The following DYNC1I1 variants were observed in gnomAD, a reference collection of about 807,000 sequenced individuals.
DYNC1I1 encodes dynein cytoplasmic 1 intermediate chain 1.
DYNC1I1 carries 43 observed loss-of-function variants against 86.6 expected under a neutral mutation model. That is an observed-to-expected ratio of 0.50 (90% CI 0.39 to 0.64). DYNC1I1 has a LOEUF of 0.64. Ranked by LOEUF, DYNC1I1 falls within the 30% of genes least tolerant of loss-of-function variation. The pLI is 0.00. For missense variants in DYNC1I1, 604 were observed against 788.8 expected (o/e 0.77, Z 2.81); for synonymous variants, 262 against 283.7 (o/e 0.92, Z 0.77).
intron 6 of DYNC1I1, among the ~76,000 whole-genome samples, chr7:95,973,789 A>C (rs1453740658): frequency 6.6e-6 from 1 of 152,232 alleles, no homozygotes; most frequent in African/African-American, 2.4e-5. Context: ...TAGCTGTGAA[A>C]GATGAGAACT....
chr7:95,841,904 A>G (rs1026686964), intron 5 of DYNC1I1, among the ~76,000 whole-genome samples: 1 of 152,214 alleles, frequency 6.6e-6, no homozygotes, highest in African/African-American at 2.4e-5. Context: ...AGCATGGGAA[A>G]TGCTTGAGTG....
At chr7:95,848,420 A>C (rs1358555871) in intron 5 of DYNC1I1, among the ~76,000 whole-genome samples, 1 of 151,822 alleles carries the variant, frequency 6.6e-6, no homozygotes, top group Non-Finnish European at 1.5e-5. Flanking sequence ...TGATAACCTT[A>C]CCTTCCTACT....
chr7:95,987,887 C>G (rs1182815782), intron 9 of DYNC1I1, among the ~76,000 whole-genome samples: 1 of 152,186 alleles, frequency 6.6e-6, no homozygotes, highest in African/African-American at 2.4e-5. Context: ...AAGCCTAAAG[C>G]AGAACTTTCA....
intron 6 of DYNC1I1, among the ~76,000 whole-genome samples, chr7:95,968,313 A>G (rs1793070627): frequency 6.6e-6 from 1 of 152,154 alleles, no homozygotes; most frequent in Admixed American, 6.5e-5. Context: ...ACATGTACTA[A>G]TATTAGTGGG....
At chr7:95,801,680 T>C (rs1300822756) in intron 1 of DYNC1I1, among the ~76,000 whole-genome samples, 2 of 152,244 alleles carry the variant, frequency 1.3e-5, no homozygotes, top group Non-Finnish European at 2.9e-5. Flanking sequence ...ATTTCATTTT[T>C]GACTGTCAAA....
Position 96,097,974 on chromosome 7 carries a change from T to G in DYNC1I1, c.*381T>G. The G allele has an allele frequency of 2.0e-6, 2 of 1,005,986 alleles. No individual in the cohort carries two copies. Among genetic ancestry groups the G allele is most frequent in the Non-Finnish European group, 2.4e-6 (2 of 841,782 alleles). The allele number at this position is 1,005,986 out of a possible 1,614,324, so 62.3% of individuals were successfully genotyped here. Reference sequence around the variant, plus strand: ...GAAGCCAGATATGATTGGGTGCAGATGTGGTGTTCCTCATATTATGGTACA... The same window carrying G: ...GAAGCCAGATATGATTGGGTGCAGAGGTGGTGTTCCTCATATTATGGTACA... On this transcript the variant is annotated 3_prime_UTR_variant, in exon 17 of 17. Transcript: ENST00000447467.
intron 16 of DYNC1I1, among the ~76,000 whole-genome samples, chr7:96,081,922 A>G (rs920186619): frequency 6.6e-6 from 1 of 152,174 alleles, no homozygotes; most frequent in African/African-American, 2.4e-5. Context: ...AGTAAAAAAA[A>G]AAAATCTCTT....
rs1200744202 is a variant in DYNC1I1 at position 96,028,298 on chromosome 7, C to G, written c.1093C>G (p.Pro365Ala). The G allele has an allele frequency of 1.2e-6, 2 of 1,612,714 alleles. No individual in the cohort carries two copies. The highest frequency in any genetic ancestry group is 2.2e-5 in the East Asian group (1 of 44,848). Reference protein sequence around the residue: ...SHRRTPVQRTPLSAAAHTHPV... With the variant: ...SHRRTPVQRTALSAAAHTHPV... ...TCGAAGGACTCCAGTGCAGCGGACA[C>G]CCTTATCAGCTGCTGCACACACGGT... Residue 365 changes from proline (P) to alanine (A), a missense_variant, in exon 11 of 17, where the codon CCC becomes GCC. Pro to Ala is a conservative substitution (Grantham distance 27). Coordinates refer to ENST00000447467, the MANE Select transcript of DYNC1I1 (RefSeq NM_001135556.2).
intron 8 of DYNC1I1, among the ~76,000 whole-genome samples, chr7:95,986,116 T>A (rs1793586986): frequency 6.7e-6 from 1 of 149,492 alleles, no homozygotes; most frequent in Non-Finnish European, 1.5e-5. Context: ...GAAAAAAAAA[T>A]GTCATATTAG....
intron 5 of DYNC1I1, among the ~76,000 whole-genome samples, chr7:95,830,565 G>T (rs544760643): frequency 1.3e-5 from 2 of 152,134 alleles, no homozygotes; most frequent in East Asian, 3.9e-4. Flanking sequence ...TTATTTCATT[G>T]TATGGATATA....
intron 1 of DYNC1I1, among the ~76,000 whole-genome samples, chr7:95,792,295 C>A (rs1365335407): frequency 6.6e-6 from 1 of 152,062 alleles, no homozygotes; most frequent in Non-Finnish European, 1.5e-5. Context: ...AGACATGGTA[C>A]CCCAAAATAA....
chr7:95,916,157 G>C (rs1207702190), intron 6 of DYNC1I1, among the ~76,000 whole-genome samples: 2 of 152,134 alleles, frequency 1.3e-5, no homozygotes, highest in Non-Finnish European at 2.9e-5. Flanking sequence ...TTATTTAAAA[G>C]AAACTAGCCA....
intron 5 of DYNC1I1, among the ~76,000 whole-genome samples, chr7:95,843,398 C>T (rs1214310107): frequency 6.6e-6 from 1 of 152,152 alleles, no homozygotes; most frequent in African/African-American, 2.4e-5. Flanking sequence ...ACCTGAGTTT[C>T]CTCCCTACAC....
At chr7:95,870,441 T>G (rs1184873656) in intron 6 of DYNC1I1, among the ~76,000 whole-genome samples, 1 of 152,264 alleles carries the variant, frequency 6.6e-6, no homozygotes, top group East Asian at 1.9e-4. Context: ...ATCCAACCAT[T>G]GACTTCTGTG....
chr7:95,837,865 G>C (rs1186556209), intron 5 of DYNC1I1, among the ~76,000 whole-genome samples: 2 of 152,230 alleles, frequency 1.3e-5, no homozygotes, highest in South Asian at 2.1e-4. Context: ...TGCGTCCACT[G>C]TCTGGCACTC....
At chr7:95,884,266 A>G (rs1035902296) in intron 6 of DYNC1I1, among the ~76,000 whole-genome samples, 5 of 152,186 alleles carry the variant, frequency 3.3e-5, no homozygotes, top group Non-Finnish European at 5.9e-5. Context: ...CTCCAGGTAA[A>G]CATGCAGCAC....
At chr7:96,013,394 G>A (rs141177560) in intron 10 of DYNC1I1, among the ~76,000 whole-genome samples, 1 of 152,282 alleles carries the variant, frequency 6.6e-6, no homozygotes, top group Non-Finnish European at 1.5e-5. Flanking sequence ...AACCTCCAGA[G>A]CTGTAAGATA....
chr7:95,922,940 T>C (rs1791649245), intron 6 of DYNC1I1, among the ~76,000 whole-genome samples: 2 of 152,078 alleles, frequency 1.3e-5, no homozygotes, highest in South Asian at 4.1e-4. Context: ...TCATCAAACT[T>C]CTCTCCTGAC....
intron 5 of DYNC1I1, among the ~76,000 whole-genome samples, chr7:95,865,410 T>C (rs990335654): frequency 6.6e-6 from 1 of 152,208 alleles, no homozygotes; most frequent in Admixed American, 6.5e-5. Context: ...CCTTTTCTCC[T>C]TCTCTTCCCT....
Sources: allele counts gnomAD v4.1 joint callset (sites outside exome capture counted in the v4.1 genomes callset), GRCh38; gene constraint gnomAD v4.1.1; transcripts MANE v1.5; gene names NCBI Gene and HGNC (gene_info 2026-07-23, HGNC 2026-07-21).